The following PTPRA variants were observed in gnomAD, a reference collection of about 807,000 sequenced individuals.
The protein encoded by PTPRA is receptor-type tyrosine-protein phosphatase alpha.
Under a neutral mutation model 104.8 loss-of-function variants are expected in PTPRA, and 25 were observed. The ratio of observed to expected loss-of-function variants is 0.24; its 90% CI spans 0.17 to 0.33. PTPRA has a LOEUF of 0.33. Ranked by LOEUF, PTPRA falls within the 10% of genes least tolerant of loss-of-function variation. The pLI is 1.00. For synonymous variants in PTPRA, 323 were observed against 368.9 expected, an observed-to-expected ratio of 0.88 and a Z score of 1.43; for missense variants, 765 against 1,015.3, an observed-to-expected ratio of 0.75 and a Z score of 3.35.
At chr20:2,960,864 C>T (rs1180712738) in intron 3 of PTPRA, among the ~76,000 whole-genome samples, 7 of 150,056 alleles carry the variant, frequency 4.7e-5, no homozygotes, top group Admixed American at 6.6e-5. Flanking sequence ...TTTTTTTTAA[C>T]CAGTGATCTT....
intron 1 of PTPRA, among the ~76,000 whole-genome samples, chr20:2,913,255 G>A (rs1218812140): frequency 1.3e-5 from 2 of 152,164 alleles, no homozygotes; most frequent in Non-Finnish European, 2.9e-5. Flanking sequence ...GTGCACACCT[G>A]TAATCCCAGC....
intron 11 of PTPRA, among the ~76,000 whole-genome samples, chr20:3,014,085 T>C (rs993853188): frequency 3.9e-5 from 6 of 152,238 alleles, no homozygotes; most frequent in Non-Finnish European, 8.8e-5. Context: ...ATGATGCGCT[T>C]AACGTATTCT....
intron 13 of PTPRA, among the ~76,000 whole-genome samples, chr20:3,018,846 G>A: frequency 9.2e-6 from 1 of 108,552 alleles, no homozygotes; most frequent in African/African-American, 4.5e-5. Flanking sequence ...GGCTGGCCGG[G>A]CGGGGGGCTG....
Sources: gnomAD v4.1 joint callset for allele counts (sites outside exome capture counted in the v4.1 genomes callset) on GRCh38, gnomAD v4.1.1 for gene constraint, MANE v1.5 for transcripts, NCBI Gene and HGNC (gene_info 2026-07-23, HGNC 2026-07-21) for gene names.